Variants in C11orf65 observed in about 807,000 individuals in gnomAD.
C11orf65 encodes the protein chromosome 11 open reading frame 65, also known as protein MFI.
Under a neutral mutation model 35.3 loss-of-function variants are expected in C11orf65, and 38 were observed. That is an observed-to-expected ratio of 1.08 (90% CI 0.83 to 1.41). C11orf65 has a LOEUF of 1.41. Among genes scored for constraint, C11orf65 ranks in the 40% most tolerant of loss-of-function variants. The probability of loss-of-function intolerance (pLI) is 0.00; values close to 1 mark genes in which losing one functional copy is unlikely to be tolerated. For synonymous variants in C11orf65, 105 were observed against 114.4 expected (o/e 0.92, Z 0.53); for missense variants, 370 against 367.1 (o/e 1.01, Z -0.06).
intron 2 of C11orf65, among the ~76,000 whole-genome samples, chr11:108,456,792 A>G (rs1315673703): frequency 6.7e-6 from 1 of 150,046 alleles, no homozygotes; most frequent in Non-Finnish European, 1.5e-5. Context: ...GAAAAAAAAA[A>G]GAAAGAAAGA....
At chr11:108,459,844 G>T (rs2093451934) in intron 2 of C11orf65, among the ~76,000 whole-genome samples, 2 of 151,876 alleles carry the variant, frequency 1.3e-5, no homozygotes, top group East Asian at 3.9e-4. Context: ...CTAGCACAAT[G>T]TCAGGAACAC....
intron 7 of C11orf65, among the ~76,000 whole-genome samples, chr11:108,389,841 C>T (rs1323267332): frequency 2.0e-5 from 3 of 151,522 alleles, no homozygotes; most frequent in Non-Finnish European, 4.4e-5. Flanking sequence ...ACTACAGGCA[C>T]CCACCACCAC....
At chr11:108,379,549 C>T (rs1302550018), downstream of C11orf65, among the ~76,000 whole-genome samples, 2 of 151,626 alleles carry the variant, frequency 1.3e-5, no homozygotes, top group Admixed American at 1.3e-4. Context: ...ATGGGTGCAG[C>T]ACACCAGCAT....
At chr11:108,456,995 C>T (rs1327104549) in intron 2 of C11orf65, among the ~76,000 whole-genome samples, 1 of 151,970 alleles carries the variant, frequency 6.6e-6, no homozygotes, top group African/African-American at 2.4e-5. Context: ...CGTAATAGTA[C>T]AGGTAATAGA....
downstream of C11orf65, among the ~76,000 whole-genome samples, chr11:108,381,584 C>G (rs2091865649): frequency 6.6e-6 from 1 of 152,168 alleles, no homozygotes; most frequent in South Asian, 2.1e-4. Flanking sequence ...TTTCTCCCTT[C>G]CCTGTGTCAC....
intron 2 of C11orf65, among the ~76,000 whole-genome samples, chr11:108,349,736 G>A (rs778564760): frequency 3.6e-4 from 55 of 152,168 alleles, no homozygotes; most frequent in Admixed American, 5.2e-4. Context: ...TTTGCTGCAG[G>A]AATGAGAGAC....
chr11:108,431,714 T>A, intron 3 of C11orf65, 32 bp downstream of exon 3: 1 of 1,126,806 alleles, frequency 8.9e-7, no homozygotes, highest in Non-Finnish European at 1.2e-6. Context: ...TGGAAAAATA[T>A]AGGATGCTAT....
At chr11:108,427,664 G>C (rs1224457970) in intron 3 of C11orf65, among the ~76,000 whole-genome samples, 2 of 123,824 alleles carry the variant, frequency 1.6e-5, no homozygotes, top group African/African-American at 6.1e-5. Flanking sequence ...GGAGCTTGCA[G>C]TGAGTTGAGA....
downstream of C11orf65, chr11:108,331,292 A>G (rs2086206078): frequency 1.1e-5 from 15 of 1,397,976 alleles, no homozygotes; most frequent in Non-Finnish European, 1.4e-5. Context: ...TTCAGATAAG[A>G]AAAGAAATGA....
chr11:108,320,822 G>T (rs1198231762), intron 6 of C11orf65, among the ~76,000 whole-genome samples: 2 of 152,132 alleles, frequency 1.3e-5, no homozygotes, highest in African/African-American at 4.8e-5. Flanking sequence ...ACTACTAATA[G>T]CTTACTGTTA....
At chr11:108,430,572 G>A (rs72992152) in intron 3 of C11orf65, among the ~76,000 whole-genome samples, 16,211 of 151,892 alleles carry the variant, frequency 0.11, 1,199 homozygotes, top group Non-Finnish European at 0.15. Context: ...ATAAGGGTAC[G>A]GTGGTTTACA....
chr11:108,330,074 C>A (rs1751069079), downstream of C11orf65: 1 of 859,032 alleles, frequency 1.2e-6, no homozygotes, highest in South Asian at 1.5e-5. Context: ...AGTTTATTCC[C>A]TTTATAATCC....
chr11:108,358,353 C>G (rs1489998419), intron 2 of C11orf65, among the ~76,000 whole-genome samples: 1 of 143,952 alleles, frequency 6.9e-6, no homozygotes, highest in South Asian at 2.3e-4. Context: ...AGAATGGAAC[C>G]AAGTTGGAAA....
intron 8 of C11orf65, among the ~76,000 whole-genome samples, chr11:108,385,493 T>G (rs916757679): frequency 6.6e-6 from 1 of 152,080 alleles, no homozygotes; most frequent in African/African-American, 2.4e-5. Flanking sequence ...CCATCCCGGC[T>G]AACACAGTGA....
chr11:108,316,155 GTGC>G (rs1413043711), intron 6 of C11orf65: 1 of 1,538,098 alleles, frequency 6.5e-7, no homozygotes, highest in Non-Finnish European at 9.0e-7. Context: ...CACTAGTGTA[GTGC>G]TGAGGTTATT....
At chr11:108,373,627 T>C (rs2091631877) in intron 2 of C11orf65, among the ~76,000 whole-genome samples, 1 of 152,220 alleles carries the variant, frequency 6.6e-6, no homozygotes, top group Non-Finnish European at 1.5e-5. Context: ...TGCATTTCCA[T>C]CTGAGATACC....
chr11:108,352,770 A>T (rs1424097146), intron 2 of C11orf65, among the ~76,000 whole-genome samples: 2 of 152,254 alleles, frequency 1.3e-5, no homozygotes, highest in African/African-American at 4.8e-5. Flanking sequence ...AATTTGGATG[A>T]ATCTCCAGAG....
At chr11:108,363,231 C>A (rs2090996376) in intron 2 of C11orf65, among the ~76,000 whole-genome samples, 1 of 152,150 alleles carries the variant, frequency 6.6e-6, no homozygotes, top group Non-Finnish European at 1.5e-5. Context: ...CTCTTGGATT[C>A]ATTTCTTTTC....
downstream of C11orf65, chr11:108,327,657 C>G (rs148432863): frequency 1.4e-4 from 229 of 1,613,796 alleles, no homozygotes; most frequent in African/African-American, 2.5e-3. Flanking sequence ...CAATCCCAGC[C>G]TAAAACTTAC....
Sources: allele counts gnomAD v4.1 joint callset (sites outside exome capture counted in the v4.1 genomes callset), GRCh38; gene constraint gnomAD v4.1.1; transcripts MANE v1.5; gene names NCBI Gene and HGNC (gene_info 2026-07-23, HGNC 2026-07-21).